Variants in PCDHGA1 observed in about 807,000 individuals in gnomAD.
PCDHGA1 encodes protocadherin gamma-A1.
PCDHGA1 carries 32 observed loss-of-function variants against 58.0 expected under a neutral mutation model. That is an observed-to-expected ratio of 0.55 (90% CI 0.42 to 0.74). PCDHGA1 has a LOEUF of 0.74. PCDHGA1 is among the 30% of genes least tolerant of loss of function. PCDHGA1 has a pLI of 0.00. For missense variants in PCDHGA1, 1,205 were observed against 1,182.3 expected, an observed-to-expected ratio of 1.02 and a Z score of -0.28; for synonymous variants, 498 against 501.1, an observed-to-expected ratio of 0.99 and a Z score of 0.08.
At chr5:141,399,822 C>G (rs755182775) in intron 1 of PCDHGA1, 6 of 1,613,084 alleles carry the variant, frequency 3.7e-6, no homozygotes, top group East Asian at 2.2e-5. Context: ...CGCTGGGTCC[C>G]GACGGCTCTG....
rs766083208 is a variant in PCDHGA1, at chr5:141,477,506, G to A, written c.2422-17301G>A. 1.9e-6 allele frequency: 3 copies of A among 1,614,028 alleles called. No homozygotes were observed. Among genetic ancestry groups the A allele is most frequent in the South Asian group, 2.2e-5 (2 of 91,076 alleles). ...ACAATCTTCTCAATCTTCCTACGAC[G>A]TTTACATTGAAGAAAACAACCTCCC... On this transcript the variant is annotated intron_variant, in intron 1 of 3. Transcript: ENST00000517417. This position sits in a 1 kb window ranked among gnomAD's most constrained non-coding sequence, Gnocchi z 4.9.
chr5:141,407,345 T>C (rs1025383467), intron 1 of PCDHGA1, among the ~76,000 whole-genome samples: 2 of 152,188 alleles, frequency 1.3e-5, no homozygotes, highest in African/African-American at 4.8e-5. Flanking sequence ...TGTATGTTAA[T>C]TTGGGGAAAA....
At chr5:141,343,164 T>C in intron 1 of PCDHGA1, 2 of 347,476 alleles carry the variant, frequency 5.8e-6, no homozygotes, top group Non-Finnish European at 8.1e-6. Flanking sequence ...GTGTCTATAT[T>C]GTTCACCTTA....
At chr5:141,340,471 C>A in intron 1 of PCDHGA1, 1 of 1,614,234 alleles carries the variant, frequency 6.2e-7, no homozygotes, top group Non-Finnish European at 8.5e-7. Flanking sequence ...AGGGGGCACC[C>A]TTATCCTCTT....
At chr5:141,410,364 C>A in intron 1 of PCDHGA1, 1 of 1,614,064 alleles carries the variant, frequency 6.2e-7, no homozygotes, top group Non-Finnish European at 8.5e-7. Flanking sequence ...TCTCTCAGCC[C>A]TGCTACTTGG....
chr5:141,454,503 T>A (rs988138847), intron 1 of PCDHGA1, among the ~76,000 whole-genome samples: 1 of 152,308 alleles, frequency 6.6e-6, no homozygotes, highest in Non-Finnish European at 1.5e-5. Flanking sequence ...ACCTCCTGGA[T>A]TCAGGCAGTT....
intron 1 of PCDHGA1, among the ~76,000 whole-genome samples, chr5:141,467,824 G>A (rs1272399938): frequency 2.0e-5 from 3 of 151,798 alleles, no homozygotes; most frequent in Non-Finnish European, 4.4e-5. Flanking sequence ...ACACCAGGCT[G>A]ATTTTTATAT....
intron 1 of PCDHGA1, chr5:141,360,273 C>A (rs1007767889): frequency 6.2e-7 from 1 of 1,613,890 alleles, no homozygotes; most frequent in Non-Finnish European, 8.5e-7. Context: ...AAAACTCGGT[C>A]GTAGGAAACC....
At chr5:141,370,662 A>G (rs1325799428) in intron 1 of PCDHGA1, 1 of 1,613,896 alleles carries the variant, frequency 6.2e-7, no homozygotes, top group South Asian at 1.1e-5. Flanking sequence ...GAGCGACCGT[A>G]TAGACCGAGA....
intron 1 of PCDHGA1, chr5:141,350,748 C>A: frequency 6.2e-7 from 1 of 1,613,956 alleles, no homozygotes; most frequent in South Asian, 1.1e-5. Context: ...GAAGGCAATT[C>A]ACTGAAGTTA....
intron 1 of PCDHGA1, chr5:141,371,215 A>G: frequency 1.9e-6 from 3 of 1,614,052 alleles, no homozygotes; most frequent in East Asian, 2.2e-5. Flanking sequence ...GAGGGCATCA[A>G]TGCCGAAATC....
At chr5:141,473,548 C>A (rs1158305951) in intron 1 of PCDHGA1, among the ~76,000 whole-genome samples, 3 of 152,118 alleles carry the variant, frequency 2.0e-5, no homozygotes, top group South Asian at 2.1e-4. Context: ...TAATGGAAGA[C>A]CTCTATTAGG....
chr5:141,437,617 C>T (rs570138576), intron 1 of PCDHGA1, among the ~76,000 whole-genome samples: 1 of 152,102 alleles, frequency 6.6e-6, no homozygotes, highest in Admixed American at 6.6e-5. Flanking sequence ...CTGCTTTATC[C>T]CCATATAAGA....
Position 141,431,859 on chromosome 5 carries a change from C to T in PCDHGA1, c.2422-62948C>T. ...AACTCTCCCAGAGGGACATTAATTG[C>T]CCTTTTAAATGTAAATGACCAAGAT... On this transcript the variant is annotated intron_variant, in intron 1 of 3. Coordinates refer to ENST00000517417, the MANE Select transcript of PCDHGA1 (RefSeq NM_018912.3). The surrounding 1 kb of genome is among the most constrained non-coding windows in gnomAD (Gnocchi z 4.8). 3.1e-6 allele frequency: 5 copies of T among 1,614,178 alleles called. No homozygotes were observed. The highest frequency in any genetic ancestry group is 4.2e-6 in the Non-Finnish European group (5 of 1,180,008).
At chr5:141,409,201 A>G (rs2095240333) in intron 1 of PCDHGA1, 1 of 1,614,044 alleles carries the variant, frequency 6.2e-7, no homozygotes, top group Non-Finnish European at 8.5e-7. Flanking sequence ...AGTGTAAAGT[A>G]ATCATAGAAA....
At chr5:141,422,709 T>A in intron 1 of PCDHGA1, 1 of 1,603,558 alleles carries the variant, frequency 6.2e-7, no homozygotes, top group Admixed American at 1.7e-5. Flanking sequence ...CTCTGACGGA[T>A]GACACTGTCC....
At chr5:141,422,007 T>A in intron 1 of PCDHGA1, 1 of 1,609,966 alleles carries the variant, frequency 6.2e-7, no homozygotes, top group Non-Finnish European at 8.5e-7. Context: ...GCTCCGGAAC[T>A]CGGGTGCTGA....
chr5:141,371,708 C>A (rs1767965097), intron 1 of PCDHGA1: 1 of 1,614,064 alleles, frequency 6.2e-7, no homozygotes, highest in East Asian at 2.2e-5. Flanking sequence ...GCAAGACCAT[C>A]ACTCTGCACA....
At chr5:141,355,688 G>A in intron 1 of PCDHGA1, 1 of 1,613,990 alleles carries the variant, frequency 6.2e-7, no homozygotes, top group Non-Finnish European at 8.5e-7. Flanking sequence ...CCGGATGTAG[G>A]TGTAAACTCC....
Sources: gnomAD v4.1 joint callset for allele counts (sites outside exome capture counted in the v4.1 genomes callset) on GRCh38, gnomAD v4.1.1 for gene constraint, Gnocchi (gnomAD v3.1) non-coding constraint, MANE v1.5 for transcripts, NCBI Gene and HGNC (gene_info 2026-07-23, HGNC 2026-07-21) for gene names.